PPAT: variants seen among roughly 807,000 people sequenced by gnomAD.
PPAT encodes phosphoribosyl pyrophosphate amidotransferase.
Under a neutral mutation model 60.2 loss-of-function variants are expected in PPAT, and 20 were observed. The observed-to-expected ratio is 0.33, with a 90% CI of 0.23 to 0.48. The LOEUF is 0.48. Among genes scored for constraint, PPAT ranks in the 20% least tolerant of loss-of-function variants. The probability of loss-of-function intolerance (pLI) is 0.99; values close to 1 mark genes in which losing one functional copy is unlikely to be tolerated. For missense variants in PPAT, 349 were observed against 629.6 expected (o/e 0.55, Z 4.77); for synonymous variants, 194 against 215.1 (o/e 0.90, Z 0.86).
In PPAT at chr4:56,400,817, A is replaced by G; in HGVS notation, c.981T>C (p.Ser327=). The change falls in exon 8 of 11, where the codon TCT becomes TCC. Residue 327 remains serine, a synonymous_variant. Coordinates refer to ENST00000264220, the MANE Select transcript of PPAT (RefSeq NM_002703.5). ...DADLVSTVPE[S]ATPAALAYAG... ...CGTAAGCAAGAGCAGCAGGCGTAGC[A>G]GATTCTGGAACAGTGCTAACCAAAT... The G allele has an allele frequency of 6.2e-7, 1 of 1,613,954 alleles. No homozygotes were observed. Among genetic ancestry groups the G allele is most frequent in the Non-Finnish European group, 8.5e-7 (1 of 1,179,890 alleles).
intron 9 of PPAT, among the ~76,000 whole-genome samples, chr4:56,397,050 A>G (rs1715983110): frequency 6.6e-6 from 1 of 152,200 alleles, no homozygotes; most frequent in Non-Finnish European, 1.5e-5. Context: ...TTACCAGGTT[A>G]TAACAAAAAC....
intron 1 of PPAT, among the ~76,000 whole-genome samples, chr4:56,429,665 G>T (rs1717480230): frequency 6.6e-6 from 1 of 152,112 alleles, no homozygotes; most frequent in South Asian, 2.1e-4. Flanking sequence ...TAATTTATGA[G>T]ATTGTTTTTT....
chr4:56,405,653 G>T (rs1477702894), intron 3 of PPAT, among the ~76,000 whole-genome samples: 1 of 152,218 alleles, frequency 6.6e-6, no homozygotes, highest in African/African-American at 2.4e-5. Flanking sequence ...CTGGATAGCT[G>T]AACACTTGGA....
intron 1 of PPAT, chr4:56,416,521 T>C (rs1716760009): frequency 5.9e-6 from 1 of 170,030 alleles, no homozygotes; most frequent in African/African-American, 2.4e-5. Flanking sequence ...AAATTGACAA[T>C]TTTTCCTGGA....
Position 56,431,178 on chromosome 4 carries a change from T to A in PPAT, c.128+4172A>T, listed in dbSNP as rs112876479. Among the ~76,000 whole-genome samples the A allele has an allele frequency of 2.7e-3, 407 of 152,324 alleles. 1 individual carries two copies. The highest frequency in any genetic ancestry group is 9.4e-3 in the African/African-American group (389 of 41,578). On this transcript the variant is annotated intron_variant, in intron 1 of 10. Coordinates refer to ENST00000264220, the MANE Select transcript of PPAT (RefSeq NM_002703.5). ...TTATAGATTATGGGAGTATAAAAGT[T>A]AAACACTATAGGAATGTTACATATT...
At chr4:56,420,723 T>C (rs899348621) in intron 1 of PPAT, 1 of 152,172 alleles carries the variant, frequency 6.6e-6, no homozygotes. Context: ...AAAAAGGGCA[T>C]TGAAGAACTT....
intron 2 of PPAT, among the ~76,000 whole-genome samples, chr4:56,407,364 G>A (rs1019227525): frequency 6.6e-6 from 1 of 151,246 alleles, no homozygotes; most frequent in Non-Finnish European, 1.5e-5. Context: ...TGTTGCCCAG[G>A]CTGGAGTACA....
In PPAT at chr4:56,396,447, G is replaced by T; in HGVS notation, c.1357+172C>A. The T allele has an allele frequency of 1.8e-6, 1 of 552,526 alleles. No individual in the cohort carries two copies. The highest frequency in any genetic ancestry group is 3.2e-5 in the South Asian group (1 of 31,596). The allele number at this position is 552,526 out of a possible 1,614,324, so 34.2% of individuals were successfully genotyped here. ...GCTCTCCAACACAAGACTCTGTGGT[G>T]TCTGCCCATGCCCACTACTCTCACT... On this transcript the variant is annotated intron_variant, in intron 10 of 10. Transcript: ENST00000264220. The surrounding 1 kb of genome is among the most constrained non-coding windows in gnomAD (Gnocchi z 4.6).
rs779854489 is a variant in PPAT, at chr4:56,403,024, TTCTAAAG to T, written c.661+9_661+15del. 3.8e-6 allele frequency: 6 copies of T among 1,581,564 alleles called. No individual in the cohort carries two copies. The highest frequency in any genetic ancestry group is 4.3e-6 in the Non-Finnish European group (5 of 1,165,456). The stretch of plus-strand genomic sequence containing the variant: ...GAAAAACACTATGAAATGATATTCC[TTCTAAAG>T]TTTATTACCTTTGTCATTTATATCA... On this transcript the variant is annotated intron_variant, in intron 5 of 10. Coordinates refer to ENST00000264220, the MANE Select transcript of PPAT (RefSeq NM_002703.5).
chr4:56,397,242 A>G (rs1404751849), intron 9 of PPAT, among the ~76,000 whole-genome samples: 1 of 152,170 alleles, frequency 6.6e-6, no homozygotes, highest in African/African-American at 2.4e-5. Flanking sequence ...CATCACACTG[A>G]TATATCAATT....
intron 1 of PPAT, chr4:56,419,637 C>T: frequency 1.4e-5 from 14 of 980,126 alleles, no homozygotes; most frequent in Non-Finnish European, 1.7e-5. Context: ...AGTATTGGAA[C>T]CCTCTAATAA....
intron 1 of PPAT, chr4:56,428,889 G>A (rs1336298325): frequency 1.4e-5 from 6 of 427,942 alleles, no homozygotes; most frequent in South Asian, 9.7e-5. Context: ...AACCATTAAT[G>A]TGTTTCAAAT....
chr4:56,417,146 G>C (rs1055074578), intron 1 of PPAT, among the ~76,000 whole-genome samples: 2 of 152,152 alleles, frequency 1.3e-5, no homozygotes, highest in Non-Finnish European at 2.9e-5. Flanking sequence ...ACTGCACCCG[G>C]CCGCTTCTAA....
chr4:56,432,079 C>G (rs575085417), intron 1 of PPAT, among the ~76,000 whole-genome samples: 26 of 152,290 alleles, frequency 1.7e-4, no homozygotes, highest in African/African-American at 6.3e-4. Context: ...AATTGATACT[C>G]TATTTATTTT....
intron 1 of PPAT, among the ~76,000 whole-genome samples, chr4:56,434,068 G>A (rs1490543727): frequency 4.6e-5 from 7 of 152,034 alleles, no homozygotes; most frequent in Non-Finnish European, 8.8e-5. Flanking sequence ...CTTGGATTAC[G>A]TAACTAATTT....
chr4:56,419,359 A>G (rs985068903), intron 1 of PPAT, among the ~76,000 whole-genome samples: 2 of 152,232 alleles, frequency 1.3e-5, no homozygotes, highest in African/African-American at 4.8e-5. Flanking sequence ...TGGAAGAGAA[A>G]AAAAAGGTAT....
chr4:56,402,998 G>T, intron 5 of PPAT, 42 bp downstream of exon 5: 1 of 1,530,138 alleles, frequency 6.5e-7, no homozygotes. Flanking sequence ...GGACAATAAT[G>T]GAAAAACACT....
At chr4:56,400,515 G>A (rs1027045644) in intron 8 of PPAT, 1 of 253,724 alleles carries the variant, frequency 3.9e-6, no homozygotes, top group African/African-American at 2.3e-5. Context: ...GTATATTCAT[G>A]ATGTTATCTT....
intron 9 of PPAT, among the ~76,000 whole-genome samples, chr4:56,397,081 G>A (rs1356390205): frequency 6.6e-6 from 1 of 151,970 alleles, no homozygotes; most frequent in Non-Finnish European, 1.5e-5. Flanking sequence ...CAACAGAGTT[G>A]TTTTTGTCTG....
Sources: allele counts gnomAD v4.1 joint callset (sites outside exome capture counted in the v4.1 genomes callset), GRCh38; gene constraint gnomAD v4.1.1; non-coding constraint Gnocchi (gnomAD v3.1); transcripts MANE v1.5; gene names NCBI Gene and HGNC (gene_info 2026-07-23, HGNC 2026-07-21).